ATP7B: variants seen among roughly 807,000 people sequenced by gnomAD.
ATP7B encodes copper-transporting ATPase 2.
Under a neutral mutation model 118.9 loss-of-function variants are expected in ATP7B, and 113 were observed. The observed-to-expected ratio is 0.95, with a 90% CI of 0.82 to 1.11. The LOEUF (loss-of-function observed/expected upper bound fraction) is 1.11. ATP7B is among the 50% of genes most tolerant of loss of function. ATP7B has a pLI of 0.00. For synonymous variants in ATP7B, 777 were observed against 727.4 expected, an observed-to-expected ratio of 1.07 and a Z score of -1.10; for missense variants, 1,867 against 1,871.4, an observed-to-expected ratio of 1.00 and a Z score of 0.04.
Position 52,011,306 on chromosome 13 carries a change from C to G in ATP7B, c.32G>C (p.Arg11Thr), listed in dbSNP as rs1397409149. The change falls in exon 1 of 21, where the codon AGA becomes ACA. Residue 11 changes from arginine (R) to threonine (T), a missense_variant. Physicochemically the swap from Arg to Thr is moderately conservative, Grantham distance 71. Coordinates refer to ENST00000242839, the MANE Select transcript of ATP7B (RefSeq NM_000053.4). ...ACTCACTTTCCGACTGGCCCCTTCT[C>G]TGGCTGTGATCTGTCTCTCCTGCTC... MPEQERQITA[R>T]EGASRKILSK... 1 of 1,614,234 alleles carries G rather than the reference C, an allele frequency of 6.2e-7. No individual in the cohort carries two copies. Among genetic ancestry groups the G allele is most frequent in the South Asian group, 1.1e-5 (1 of 91,084 alleles).
At chr13:51,977,493 G>A (rs369225655) in intron 1 of ATP7B, among the ~76,000 whole-genome samples, 6 of 152,210 alleles carry the variant, frequency 3.9e-5, no homozygotes, top group South Asian at 4.1e-4. Context: ...CTTCAGGTGC[G>A]ATAACAGGCA....
intron 1 of ATP7B, among the ~76,000 whole-genome samples, chr13:52,003,435 G>A (rs980296888): frequency 2.0e-5 from 3 of 152,178 alleles, no homozygotes; most frequent in Admixed American, 6.5e-5. Flanking sequence ...CATCTTACAC[G>A]GGCCCCAAGA....
At chr13:51,959,139 G>C (rs1958561055) in intron 7 of ATP7B, 1 of 159,364 alleles carries the variant, frequency 6.3e-6, no homozygotes, top group African/African-American at 2.4e-5. Context: ...TGTGATCAGT[G>C]AAAGGGCATC....
intron 4 of ATP7B, among the ~76,000 whole-genome samples, chr13:51,965,903 A>G (rs565221427): frequency 1.3e-5 from 2 of 152,302 alleles, no homozygotes; most frequent in African/African-American, 4.8e-5. Context: ...AATAAATACA[A>G]AAAGAGCCAA....
intron 1 of ATP7B, among the ~76,000 whole-genome samples, chr13:52,004,939 G>T (rs1346912643): frequency 1.3e-5 from 2 of 152,226 alleles, no homozygotes; most frequent in Non-Finnish European, 2.9e-5. Context: ...TGGACACCAA[G>T]GTTTATAGCC....
intron 8 of ATP7B, 179 bp from the exon 9 acceptor site, chr13:51,957,786 C>G (rs1958453584): frequency 1.5e-6 from 1 of 650,674 alleles, no homozygotes; most frequent in South Asian, 1.7e-5. Context: ...CCACATGTCA[C>G]TTCCACAGTG....
chr13:52,008,171 C>T (rs1953865232), intron 1 of ATP7B, among the ~76,000 whole-genome samples: 1 of 152,106 alleles, frequency 6.6e-6, no homozygotes. Flanking sequence ...GAAACCCCGT[C>T]TCCACTAAAA....
intron 8 of ATP7B, 26 bp downstream of exon 8, chr13:51,958,285 T>G: frequency 6.2e-7 from 1 of 1,609,788 alleles, no homozygotes. Context: ...GGAGCAGCTC[T>G]TTTCTGAACC....
intron 1 of ATP7B, among the ~76,000 whole-genome samples, chr13:52,008,209 G>A (rs1277248021): frequency 1.3e-5 from 2 of 152,114 alleles, no homozygotes; most frequent in African/African-American, 2.4e-5. Flanking sequence ...GTGTGGTGGC[G>A]TGCGCCTGTA....
chr13:51,942,161 TC>T (rs1313715186), intron 15 of ATP7B, among the ~76,000 whole-genome samples: 15 of 152,140 alleles, frequency 9.9e-5, no homozygotes, highest in Non-Finnish European at 1.9e-4. Flanking sequence ...AAATCATGGG[TC>T]AGCTAAACAA....
At chr13:51,942,632 G>A in intron 14 of ATP7B, 78 bp from the exon 15 acceptor site, 1 of 1,567,554 alleles carries the variant, frequency 6.4e-7, no homozygotes, top group East Asian at 2.3e-5. Flanking sequence ...GGCAGGACAG[G>A]GACACAGGGT....
intron 1 of ATP7B, among the ~76,000 whole-genome samples, chr13:52,009,245 T>G (rs771085045): frequency 1.3e-5 from 2 of 152,284 alleles, no homozygotes; most frequent in South Asian, 2.1e-4. Context: ...CAGACAAAAG[T>G]AGTCCTACTG....
At chr13:51,967,842 C>T (rs1019298552) in intron 4 of ATP7B, among the ~76,000 whole-genome samples, 7 of 152,328 alleles carry the variant, frequency 4.6e-5, no homozygotes, top group East Asian at 1.9e-4. Context: ...ATGTTCTAGG[C>T]ATCAGACACA....
Position 51,965,002 on chromosome 13 carries a change from T to TCTCC in ATP7B, c.1738_1739insGGAG (p.His580ArgfsTer29), listed in dbSNP as rs2139777530. On this transcript the variant is annotated frameshift_variant, in exon 5 of 21. Transcript: ENST00000242839. LOFTEE classifies it high-confidence loss of function. The stretch of plus-strand genomic sequence containing the variant: ...CCTCGTGAGTTTGGACTCTATGTTG[T>TCTCC]GGACACAGGACGCGCAGGTCATCCC... The TCTCC allele has an allele frequency of 6.2e-7, 1 of 1,614,162 alleles. No individual in the cohort carries two copies. Among genetic ancestry groups the TCTCC allele is most frequent in the East Asian group, 2.2e-5 (1 of 44,882 alleles).
At chr13:51,976,163 T>C (rs1321081986) in intron 1 of ATP7B, among the ~76,000 whole-genome samples, 1 of 152,234 alleles carries the variant, frequency 6.6e-6, no homozygotes, top group Non-Finnish European at 1.5e-5. Flanking sequence ...AACTTCCATG[T>C]GCTTCAGAAA....
intron 9 of ATP7B, among the ~76,000 whole-genome samples, chr13:51,955,839 G>A (rs1435426018): frequency 6.6e-6 from 1 of 152,072 alleles, no homozygotes; most frequent in Non-Finnish European, 1.5e-5. Context: ...TGGCACAGCA[G>A]AGCCCAGCAT....
chr13:51,955,826 C>G (rs1272632928), intron 9 of ATP7B, among the ~76,000 whole-genome samples: 1 of 152,122 alleles, frequency 6.6e-6, no homozygotes, highest in Non-Finnish European at 1.5e-5. Context: ...TGCTGCAGAC[C>G]CATGGCACAG....
At chr13:52,012,014 C>A, upstream of ATP7B, 1 of 363,486 alleles carries the variant, frequency 2.8e-6, no homozygotes, top group South Asian at 2.5e-5. Flanking sequence ...AGAGTGAACT[C>A]CGCACCTGGA....
At chr13:51,958,569 T>G (rs1958512335) in intron 7 of ATP7B, 25 bp from the exon 8 acceptor site, 43 of 1,602,260 alleles carry the variant, frequency 2.7e-5, no homozygotes, top group Non-Finnish European at 3.7e-5. Flanking sequence ...CAGTGAAGGC[T>G]GCCAGCAAGT....
Sources: allele counts gnomAD v4.1 joint callset (sites outside exome capture counted in the v4.1 genomes callset), GRCh38; gene constraint gnomAD v4.1.1; transcripts MANE v1.5; gene names NCBI Gene and HGNC (gene_info 2026-07-23, HGNC 2026-07-21).